AGBL1: variants seen among roughly 807,000 people sequenced by gnomAD.
AGBL1 encodes the protein AGBL carboxypeptidase 1, also known as cytosolic carboxypeptidase 4.
In AGBL1, 130 loss-of-function variants were observed where a neutral mutation model predicts 118.9. The ratio of observed to expected loss-of-function variants is 1.09; its 90% CI spans 0.95 to 1.26. The LOEUF (loss-of-function observed/expected upper bound fraction) is 1.26. Among genes scored for constraint, AGBL1 ranks in the 50% most tolerant of loss-of-function variants. The pLI is 0.00. For missense variants in AGBL1, 1,584 were observed against 1,298.1 expected (o/e 1.22, Z -3.38); for synonymous variants, 555 against 478.9 (o/e 1.16, Z -2.08).
intron 18 of AGBL1, among the ~76,000 whole-genome samples, chr15:86,509,797 A>C (rs926204860): frequency 3.3e-5 from 5 of 152,084 alleles, no homozygotes; most frequent in African/African-American, 1.2e-4. Flanking sequence ...CAAAGGAGAA[A>C]GTCACCTTGG....
intron 18 of AGBL1, among the ~76,000 whole-genome samples, chr15:86,495,929 G>A (rs934972215): frequency 2.6e-5 from 4 of 151,058 alleles, no homozygotes; most frequent in African/African-American, 9.7e-5. Flanking sequence ...ATTTTATCCT[G>A]TTCCATGTTT....
At chr15:86,664,359 A>G (rs2085602668) in intron 21 of AGBL1, among the ~76,000 whole-genome samples, 1 of 152,188 alleles carries the variant, frequency 6.6e-6, no homozygotes, top group Admixed American at 6.6e-5. Flanking sequence ...GCTACCTATT[A>G]GAGTTCACAG....
At chr15:86,722,142 A>T (rs901267565) in intron 22 of AGBL1, among the ~76,000 whole-genome samples, 4 of 152,208 alleles carry the variant, frequency 2.6e-5, no homozygotes, top group African/African-American at 9.7e-5. Flanking sequence ...TCTTCACAGA[A>T]TTGGAAAAAA....
At chr15:86,512,339 A>G (rs2083062067) in intron 18 of AGBL1, among the ~76,000 whole-genome samples, 1 of 151,970 alleles carries the variant, frequency 6.6e-6, no homozygotes, top group African/African-American at 2.4e-5. Flanking sequence ...AGGTTCTTGA[A>G]TATTGATAAG....
intron 18 of AGBL1, among the ~76,000 whole-genome samples, chr15:86,506,100 A>T (rs995491809): frequency 6.6e-6 from 1 of 152,090 alleles, no homozygotes; most frequent in African/African-American, 2.4e-5. Context: ...TAGGGAACCT[A>T]CTGTTGATGT....
chr15:86,150,055 A>C (rs2077086693), intron 3 of AGBL1, among the ~76,000 whole-genome samples: 1 of 152,236 alleles, frequency 6.6e-6, no homozygotes. Context: ...TGAAGGCAGA[A>C]ATAAAGATGT....
At chr15:86,704,801 T>C (rs886904698) in intron 22 of AGBL1, among the ~76,000 whole-genome samples, 1 of 152,240 alleles carries the variant, frequency 6.6e-6, no homozygotes, top group Non-Finnish European at 1.5e-5. Context: ...CAAAGGATTA[T>C]AAATCATTCT....
In AGBL1 at chr15:86,988,744, A is replaced by C. The variant is rs185119797; in HGVS notation, c.3323+656A>C. On this transcript the variant is annotated intron_variant, in intron 24 of 24. Transcript: ENST00000441037. ...TGTGTAAGAACTCACTTTATTTCAA[A>C]TTTTGGTCTTATGTTTAGAAACAAA... Among the ~76,000 whole-genome samples, 6 of 152,252 alleles carry C rather than the reference A, an allele frequency of 3.9e-5. No homozygotes were observed. In the East Asian group the frequency reaches 9.7e-4, roughly 24 times the overall value.
At chr15:86,315,138 C>A (rs1483316599) in intron 17 of AGBL1, among the ~76,000 whole-genome samples, 2 of 152,090 alleles carry the variant, frequency 1.3e-5, no homozygotes, top group Non-Finnish European at 2.9e-5. Context: ...AATGTAATTG[C>A]CCATTTTATA....
In AGBL1 at chr15:86,827,432, CATATATATATGTGTGTGT is replaced by C. The variant is rs2079036786; in HGVS notation, c.3159-79644_3159-79627del. Among the ~76,000 whole-genome samples, 44 of 7,446 alleles carry C rather than the reference CATATATATATGTGTGTGT, an allele frequency of 5.9e-3. 5 individuals are homozygous for C. In the East Asian group the frequency reaches 0.13, roughly 22 times the overall value. The allele number at this position is 7,446 out of a possible 152,430, so 4.9% of individuals were successfully genotyped here. ...ATGTGTATATATATATATATATACACATATATATATGTGTGTGTATATATATATATATATATACATATA... is the reference window on the plus strand; with the variant it reads ...ATGTGTATATATATATATATATACACATATATATATATATATATACATATA... On this transcript the variant is annotated intron_variant, in intron 22 of 22. Transcript: ENST00000614907.
chr15:86,466,814 C>T (rs2082414024), intron 18 of AGBL1, among the ~76,000 whole-genome samples: 1 of 152,194 alleles, frequency 6.6e-6, no homozygotes, highest in African/African-American at 2.4e-5. Context: ...GCCTGGGTAT[C>T]AGCAGTGGAG....
intron 17 of AGBL1, among the ~76,000 whole-genome samples, chr15:86,346,932 G>C (rs974218893): frequency 1.3e-5 from 2 of 152,112 alleles, no homozygotes; most frequent in Non-Finnish European, 2.9e-5. Context: ...AGGTCAACTT[G>C]GAAGGCTATG....
chr15:86,478,331 C>T (rs1202677801), intron 18 of AGBL1, among the ~76,000 whole-genome samples: 2 of 152,098 alleles, frequency 1.3e-5, no homozygotes, highest in Non-Finnish European at 1.5e-5. Context: ...ATTTAGAAAA[C>T]CCCATTGTCT....
chr15:86,648,973 C>T (rs927199386), intron 21 of AGBL1, among the ~76,000 whole-genome samples: 2 of 151,854 alleles, frequency 1.3e-5, no homozygotes, highest in Admixed American at 6.6e-5. Flanking sequence ...AGAAATGGGG[C>T]CATTGTTGGA....
chr15:86,180,190 A>T (rs1489579470), intron 5 of AGBL1, among the ~76,000 whole-genome samples: 1 of 152,096 alleles, frequency 6.6e-6, no homozygotes, highest in East Asian at 1.9e-4. Flanking sequence ...GTGGAAACTG[A>T]TACATTGATT....
intron 21 of AGBL1, among the ~76,000 whole-genome samples, chr15:86,627,728 C>T (rs2084908335): frequency 1.3e-5 from 2 of 152,134 alleles, no homozygotes; most frequent in Admixed American, 6.5e-5. Context: ...CCAGGGTATA[C>T]AGTTAGGAAG....
intron 5 of AGBL1, among the ~76,000 whole-genome samples, chr15:86,183,711 A>G (rs557066646): frequency 6.6e-6 from 1 of 152,196 alleles, no homozygotes; most frequent in African/African-American, 2.4e-5. Context: ...AGTAATCCTC[A>G]TCACACATAA....
intron 22 of AGBL1, among the ~76,000 whole-genome samples, chr15:86,842,243 A>G (rs1451984251): frequency 1.3e-5 from 2 of 151,588 alleles, no homozygotes; most frequent in Non-Finnish European, 2.9e-5. Flanking sequence ...GTGCAACTTC[A>G]CCTGCCTTGA....
At chr15:87,007,154 T>C (rs549130016) in intron 24 of AGBL1, among the ~76,000 whole-genome samples, 2 of 152,106 alleles carry the variant, frequency 1.3e-5, no homozygotes, top group Non-Finnish European at 2.9e-5. Context: ...TGAAGAAAAA[T>C]TGTTTGGTAT....
Sources: allele counts gnomAD v4.1 joint callset (sites outside exome capture counted in the v4.1 genomes callset), GRCh38; gene constraint gnomAD v4.1.1; transcripts MANE v1.5; gene names NCBI Gene and HGNC (gene_info 2026-07-23, HGNC 2026-07-21).